The following ARHGAP36 variants were observed in gnomAD, a reference collection of about 807,000 sequenced individuals.
ARHGAP36 encodes rho GTPase-activating protein 36.
In ARHGAP36, 7 loss-of-function variants were observed where a neutral mutation model predicts 32.9. That is an observed-to-expected ratio of 0.21 (90% confidence interval 0.12 to 0.40). The LOEUF (loss-of-function observed/expected upper bound fraction) is 0.40. Ranked by LOEUF, ARHGAP36 falls within the 10% of genes least tolerant of loss-of-function variation. The pLI, the probability that ARHGAP36 is intolerant of heterozygous loss-of-function variation, is 1.00. For synonymous variants in ARHGAP36, 165 were observed against 168.3 expected (o/e 0.98, Z 0.15); for missense variants, 383 against 442.2 (o/e 0.87, Z 1.20).
rs2079825578 is a variant in ARHGAP36, at chrX:131,084,796, C to G, written c.804+115C>G. The G allele has an allele frequency of 2.6e-6, 3 of 1,152,130 alleles. No homozygotes were observed. The East Asian group carries it at 9.0e-5, about 34-fold the overall frequency. The allele number at this position is 1,152,130 out of a possible 1,213,427, so 94.9% of individuals were successfully genotyped here. The stretch of plus-strand genomic sequence containing the variant: ...GGGAGGAGCAGGGTCTTCTTTGTAG[C>G]CCCCAGGCCCACCATATTGCCAGCT... On this transcript the variant is annotated intron_variant, in intron 6 of 11. Transcript: ENST00000276211.
intron 1 of ARHGAP36, among the ~76,000 whole-genome samples, chrX:131,073,314 G>C (rs974351302): frequency 5.8e-4 from 65 of 112,903 alleles, no homozygotes; most frequent in African/African-American, 1.9e-3. Context: ...CCCGCGCAGC[G>C]CACCTCAACC....
chrX:131,086,817 T>A, intron 11 of ARHGAP36, 152 bp downstream of exon 11: 1 of 458,808 alleles, frequency 2.2e-6, no homozygotes, highest in Non-Finnish European at 3.7e-6. Context: ...TTGAATATCT[T>A]AATCAAGGAG....
intron 1 of ARHGAP36, among the ~76,000 whole-genome samples, chrX:131,062,128 G>T (rs1469778878): frequency 8.9e-6 from 1 of 112,134 alleles, no homozygotes; most frequent in Non-Finnish European, 1.9e-5. Flanking sequence ...TTATTAGATT[G>T]CACAGAATCA....
intron 11 of ARHGAP36, among the ~76,000 whole-genome samples, chrX:131,087,809 G>C (rs761232255): frequency 4.5e-5 from 5 of 112,083 alleles, no homozygotes; most frequent in Admixed American, 1.9e-4. Flanking sequence ...AGACTCTGAA[G>C]AAAGCCCTAG....
At chrX:131,069,411 G>A (rs1346187138) in intron 1 of ARHGAP36, among the ~76,000 whole-genome samples, 1 of 112,093 alleles carries the variant, frequency 8.9e-6, no homozygotes, top group Non-Finnish European at 1.9e-5. Context: ...GCTGACTAAC[G>A]TGGTAAGTCG....
At chrX:131,087,187 G>A (rs1404113401) in intron 11 of ARHGAP36, among the ~76,000 whole-genome samples, 3 of 111,580 alleles carry the variant, frequency 2.7e-5, no homozygotes, top group Non-Finnish European at 5.6e-5. Context: ...CTATCTTGAT[G>A]TAATCCCAAA....
At chrX:131,070,428 G>A (rs1323517370) in intron 1 of ARHGAP36, among the ~76,000 whole-genome samples, 1 of 111,839 alleles carries the variant, frequency 8.9e-6, no homozygotes, top group Non-Finnish European at 1.9e-5. Flanking sequence ...CTGAGTGATA[G>A]AACGTCTATA....
intron 11 of ARHGAP36, 104 bp from the exon 12 acceptor site, chrX:131,088,524 C>G: frequency 2.4e-6 from 2 of 823,924 alleles, no homozygotes; most frequent in Non-Finnish European, 3.4e-6. Context: ...ACCTTCTTGC[C>G]TCATACTGTA....
rs1420576702 is a variant in ARHGAP36, at chrX:131,088,616, A to G, written c.1487-12A>G. On this transcript the variant is annotated splice_polypyrimidine_tract_variant and intron_variant, in intron 11 of 11. Transcript: ENST00000276211. ...AGAAACATAAGGAGTTAACATTGTT[A>G]CTATTTTTCAGGTTCCTCTGAGGAG... The G allele has an allele frequency of 8.3e-7, 1 of 1,204,869 alleles. No individual in the cohort carries two copies. Among genetic ancestry groups the G allele is most frequent in the Non-Finnish European group, 1.1e-6 (1 of 892,488 alleles).
chrX:131,083,566 C>T (rs2079817721), intron 3 of ARHGAP36, 168 bp from the exon 4 acceptor site: 2 of 526,603 alleles, frequency 3.8e-6, no homozygotes, highest in Admixed American at 3.1e-5. Flanking sequence ...TTCGCCAAAC[C>T]ACTGCGGGGT....
At chrX:131,082,055 T>A in intron 2 of ARHGAP36, 137 bp downstream of exon 2, 4 of 813,149 alleles carry the variant, frequency 4.9e-6, no homozygotes, top group Non-Finnish European at 6.9e-6. Flanking sequence ...TCCTGGCGTC[T>A]GGGGAACTGA....
At chrX:131,066,993 T>G (rs2079702199) in intron 1 of ARHGAP36, among the ~76,000 whole-genome samples, 1 of 111,757 alleles carries the variant, frequency 8.9e-6, no homozygotes, top group African/African-American at 3.3e-5. Flanking sequence ...CGTTCAGAGT[T>G]TAAAAAGGGA....
At chrX:131,084,749 A>G (rs1481945562) in intron 6 of ARHGAP36, 68 bp downstream of exon 6, 2 of 1,189,399 alleles carry the variant, frequency 1.7e-6, no homozygotes, top group East Asian at 3.0e-5. Flanking sequence ...GGGTTTCCCC[A>G]TAGACCTGAC....
At chrX:131,064,480 A>G in intron 1 of ARHGAP36, among the ~76,000 whole-genome samples, 1 of 112,084 alleles carries the variant, frequency 8.9e-6, no homozygotes, top group East Asian at 2.8e-4. Flanking sequence ...TGAGAACGAA[A>G]AAAAGTGCAG....
chrX:131,071,232 C>T (rs1444075725), intron 1 of ARHGAP36, among the ~76,000 whole-genome samples: 1 of 110,048 alleles, frequency 9.1e-6, no homozygotes, highest in East Asian at 2.9e-4. Flanking sequence ...ATGCCAGGGA[C>T]AAATTGGACC....
chrX:131,067,524 G>C (rs774738860), intron 1 of ARHGAP36, among the ~76,000 whole-genome samples: 76 of 112,745 alleles, frequency 6.7e-4, no homozygotes, highest in Non-Finnish European at 1.0e-3. Flanking sequence ...AACCCCTGCC[G>C]GGGTCGCGGC....
rs1271372141 is a variant in ARHGAP36, at chrX:131,081,437, CT to C, written c.-142-78del. On this transcript the variant is annotated intron_variant, in intron 1 of 11. Transcript: ENST00000276211. ...TTTCTTCTTATTTTCTCTCTTTGTA[CT>C]TTTTTTTTCTAATTAGGTTTTCTTT... 210 of 701,410 alleles carry C rather than the reference CT, an allele frequency of 3.0e-4. No individual in the cohort carries two copies. The East Asian group carries it at 5.4e-3, about 18-fold the overall frequency. The allele number at this position is 701,410 out of a possible 1,213,427, so 57.8% of individuals were successfully genotyped here. A position where few individuals can be genotyped will look rare whatever the true frequency, so the allele number is the denominator to read the frequency against.
chrX:131,083,652 G>C (rs1001074939), intron 3 of ARHGAP36, 82 bp from the exon 4 acceptor site: 10 of 981,608 alleles, frequency 1.0e-5, no homozygotes, highest in Non-Finnish European at 1.3e-5. Flanking sequence ...TTGCTGGGAG[G>C]AGTGCTACAG....
At position 131,068,683 on chromosome X, in the gene ARHGAP36, C is replaced by G. The variant is rs747099018; in HGVS notation, c.-143+10239C>G. 3.8e-4 allele frequency among the ~76,000 whole-genome samples: 39 copies of G among 101,696 alleles called. 1 individual carries two copies. The South Asian group carries it at 0.018, about 47-fold the overall frequency. 88.3% of individuals were successfully genotyped at this position (101,696 alleles called of 115,157 possible). On this transcript the variant is annotated intron_variant, in intron 1 of 11. Coordinates refer to ENST00000276211, the MANE Select transcript of ARHGAP36 (RefSeq NM_144967.4). ...TCTCCCCGGCCCCCACCCGCCCCCA[C>G]CCCCCGAGCCCCACTGGAGAGAACT...
Sources: gnomAD v4.1 joint callset for allele counts (sites outside exome capture counted in the v4.1 genomes callset) on GRCh38, gnomAD v4.1.1 for gene constraint, MANE v1.5 for transcripts, NCBI Gene and HGNC (gene_info 2026-07-23, HGNC 2026-07-21) for gene names.